Variants in THSD7A observed in about 807,000 individuals in gnomAD.
The protein encoded by THSD7A is thrombospondin type 1 domain containing 7A.
In THSD7A, 96 loss-of-function variants were observed where a neutral mutation model predicts 231.3. The ratio of observed to expected loss-of-function variants is 0.41; its 90% CI spans 0.35 to 0.49. The LOEUF is 0.49. Ranked by LOEUF, THSD7A falls within the 20% of genes least tolerant of loss-of-function variation. The pLI is 0.05. For synonymous variants in THSD7A, 940 were observed against 743.3 expected (o/e 1.26, Z -4.30); for missense variants, 2,290 against 2,070.2 (o/e 1.11, Z -2.06).
chr7:11,704,162 T>C (rs1043430623), intron 1 of THSD7A, among the ~76,000 whole-genome samples: 3 of 151,092 alleles, frequency 2.0e-5, no homozygotes, highest in African/African-American at 7.3e-5. Flanking sequence ...CTACAACAAG[T>C]TATTTGAAAT....
chr7:11,542,892 A>C, intron 5 of THSD7A, 70 bp downstream of exon 5: 1 of 1,498,624 alleles, frequency 6.7e-7, no homozygotes, highest in Non-Finnish European at 9.0e-7. Context: ...ACAGAAGAGC[A>C]TTTTAAAAAT....
At chr7:11,445,192 T>C (rs2128294118) in intron 13 of THSD7A, among the ~76,000 whole-genome samples, 1 of 152,160 alleles carries the variant, frequency 6.6e-6, no homozygotes, top group East Asian at 1.9e-4. Context: ...TCATCCTTTC[T>C]TGGCCACTTC....
chr7:11,561,990 G>A (rs891255149), intron 4 of THSD7A, among the ~76,000 whole-genome samples: 8 of 152,156 alleles, frequency 5.3e-5, no homozygotes, highest in African/African-American at 1.9e-4. Context: ...TAGAAGACAT[G>A]TTCTTCCCCC....
intron 1 of THSD7A, among the ~76,000 whole-genome samples, chr7:11,688,509 G>T (rs945565319): frequency 6.6e-6 from 1 of 151,794 alleles, no homozygotes; most frequent in Admixed American, 6.6e-5. Flanking sequence ...GGGAACAAAA[G>T]GATGTTGTCT....
At chr7:11,765,965 A>G (rs1416845680) in intron 1 of THSD7A, among the ~76,000 whole-genome samples, 1 of 152,232 alleles carries the variant, frequency 6.6e-6, no homozygotes, top group Admixed American at 6.5e-5. Context: ...AAACAGTTTG[A>G]CTTTATAATT....
chr7:11,739,101 T>G (rs1270790507), intron 1 of THSD7A, among the ~76,000 whole-genome samples: 3 of 152,062 alleles, frequency 2.0e-5, no homozygotes, highest in African/African-American at 4.8e-5. Context: ...TGTTATACTC[T>G]TCATGAAGAA....
At chr7:11,605,003 C>T (rs147999106) in intron 2 of THSD7A, among the ~76,000 whole-genome samples, 8 of 152,040 alleles carry the variant, frequency 5.3e-5, no homozygotes, top group African/African-American at 1.9e-4. Context: ...TAAAGTGGAC[C>T]TCGGTGGGAC....
At chr7:11,578,337 A>C (rs577729974) in intron 4 of THSD7A, among the ~76,000 whole-genome samples, 2 of 152,246 alleles carry the variant, frequency 1.3e-5, no homozygotes, top group Non-Finnish European at 1.5e-5. Context: ...AAAGAAAAGC[A>C]TAAGAGATAT....
chr7:11,658,187 A>G (rs1001537881), intron 1 of THSD7A, among the ~76,000 whole-genome samples: 2 of 151,868 alleles, frequency 1.3e-5, no homozygotes, highest in African/African-American at 4.8e-5. Flanking sequence ...GAAAGGCATT[A>G]GGCAATTCAA....
intron 13 of THSD7A, among the ~76,000 whole-genome samples, chr7:11,441,924 A>G (rs925509281): frequency 5.9e-5 from 9 of 152,040 alleles, no homozygotes; most frequent in African/African-American, 2.2e-4. Flanking sequence ...TGGCGTATGT[A>G]TACCTATGTA....
intron 4 of THSD7A, among the ~76,000 whole-genome samples, chr7:11,564,527 T>C (rs924024800): frequency 1.3e-5 from 2 of 152,232 alleles, no homozygotes. Context: ...CTTACAAATA[T>C]TACTCAGTCT....
chr7:11,792,122 C>G (rs1442972299), intron 1 of THSD7A, among the ~76,000 whole-genome samples: 1 of 151,972 alleles, frequency 6.6e-6, no homozygotes, highest in Non-Finnish European at 1.5e-5. Context: ...ATTTCACGCT[C>G]TCCTCTTACT....
At chr7:11,775,840 T>C (rs1029153777) in intron 1 of THSD7A, among the ~76,000 whole-genome samples, 5 of 152,214 alleles carry the variant, frequency 3.3e-5, no homozygotes, top group African/African-American at 1.2e-4. Flanking sequence ...TTTAGTGTTA[T>C]GAATATTTTA....
intron 17 of THSD7A, among the ~76,000 whole-genome samples, chr7:11,415,852 G>A (rs1180662348): frequency 6.6e-6 from 1 of 152,144 alleles, no homozygotes; most frequent in African/African-American, 2.4e-5. Context: ...TGTCACAAAA[G>A]TCAAGGTGTA....
At chr7:11,638,026 T>C (rs993990437) in intron 1 of THSD7A, among the ~76,000 whole-genome samples, 1 of 152,198 alleles carries the variant, frequency 6.6e-6, no homozygotes, top group Non-Finnish European at 1.5e-5. Flanking sequence ...ATCTGTTGTG[T>C]GGGAAGGTGA....
At chr7:11,456,816 C>T (rs1184132054) in intron 11 of THSD7A, among the ~76,000 whole-genome samples, 2 of 151,934 alleles carry the variant, frequency 1.3e-5, no homozygotes, top group Middle Eastern at 3.2e-3. Flanking sequence ...ATTTAGCTCA[C>T]AGGCCATATA....
chr7:11,811,831 G>A (rs938348444), intron 1 of THSD7A, among the ~76,000 whole-genome samples: 1 of 152,246 alleles, frequency 6.6e-6, no homozygotes, highest in East Asian at 1.9e-4. Flanking sequence ...AAAAGAAAAG[G>A]AAAACTACAG....
intron 4 of THSD7A, among the ~76,000 whole-genome samples, chr7:11,568,070 T>G (rs1007584374): frequency 6.6e-6 from 1 of 152,222 alleles, no homozygotes; most frequent in Non-Finnish European, 1.5e-5. Flanking sequence ...TTTCCTATCG[T>G]TATTCTTTCG....
intron 4 of THSD7A, among the ~76,000 whole-genome samples, chr7:11,565,280 C>T (rs1319986578): frequency 6.6e-6 from 1 of 152,138 alleles, no homozygotes; most frequent in Non-Finnish European, 1.5e-5. Flanking sequence ...AAAGTAAGTA[C>T]TGAAGAAGAA....
Sources: gnomAD v4.1 joint callset for allele counts (sites outside exome capture counted in the v4.1 genomes callset) on GRCh38, gnomAD v4.1.1 for gene constraint, MANE v1.5 for transcripts, NCBI Gene and HGNC (gene_info 2026-07-23, HGNC 2026-07-21) for gene names.